The following PPM1D variants were observed in gnomAD, a reference collection of about 807,000 sequenced individuals.
The protein encoded by PPM1D is protein phosphatase 1D.
PPM1D carries 52 observed loss-of-function variants against 58.3 expected under a neutral mutation model. The ratio of observed to expected loss-of-function variants is 0.89; its 90% CI spans 0.71 to 1.12. PPM1D has a LOEUF of 1.12. PPM1D is among the 50% of genes most tolerant of loss of function. The pLI, the probability that PPM1D is intolerant of heterozygous loss-of-function variation, is 0.00. For missense variants in PPM1D, 564 were observed against 777.2 expected, an observed-to-expected ratio of 0.73 and a Z score of 3.26; for synonymous variants, 278 against 285.1, an observed-to-expected ratio of 0.98 and a Z score of 0.25.
intron 3 of PPM1D, among the ~76,000 whole-genome samples, chr17:60,637,917 A>G (rs1390150791): frequency 6.6e-6 from 1 of 152,236 alleles, no homozygotes; most frequent in Non-Finnish European, 1.5e-5. Context: ...CCAGAAAGAA[A>G]GTGTTTCAAA....
At chr17:60,646,828 T>C (rs1484900670) in intron 3 of PPM1D, among the ~76,000 whole-genome samples, 2 of 152,206 alleles carry the variant, frequency 1.3e-5, no homozygotes, top group Non-Finnish European at 2.9e-5. Context: ...TGTAAGAGCT[T>C]TCTTTTTCCG....
chr17:60,658,515 A>AT (rs1389061918), intron 5 of PPM1D, among the ~76,000 whole-genome samples: 1 of 151,782 alleles, frequency 6.6e-6, no homozygotes, highest in African/African-American at 2.4e-5. Flanking sequence ...AGGTGTGGTG[A>AT]TGCATGCCTG....
At chr17:60,613,647 T>A (rs1598400490) in intron 1 of PPM1D, among the ~76,000 whole-genome samples, 1 of 152,318 alleles carries the variant, frequency 6.6e-6, no homozygotes, top group East Asian at 1.9e-4. Context: ...GGCTGCGTGC[T>A]GCACTTGTGG....
intron 1 of PPM1D, among the ~76,000 whole-genome samples, chr17:60,609,325 C>T (rs1360279337): frequency 6.6e-6 from 1 of 151,984 alleles, no homozygotes; most frequent in East Asian, 1.9e-4. Flanking sequence ...GAACTCCTGA[C>T]CTCGTGATCC....
intron 2 of PPM1D, among the ~76,000 whole-genome samples, chr17:60,632,252 A>G (rs1180308192): frequency 6.6e-6 from 1 of 151,946 alleles, no homozygotes; most frequent in Non-Finnish European, 1.5e-5. Flanking sequence ...TTTTGCTCCT[A>G]TGACACATTT....
At chr17:60,637,080 T>G (rs527556020) in intron 3 of PPM1D, among the ~76,000 whole-genome samples, 1 of 151,634 alleles carries the variant, frequency 6.6e-6, no homozygotes, top group South Asian at 2.1e-4. Context: ...GCAATTCTGC[T>G]GCCTCAGCCT....
chr17:60,620,288 C>T (rs552746882), intron 1 of PPM1D, among the ~76,000 whole-genome samples: 1 of 152,174 alleles, frequency 6.6e-6, no homozygotes, highest in South Asian at 2.1e-4. Context: ...TGAGCCACCG[C>T]GCCCGGCCTG....
At chr17:60,650,925 C>G (rs2031331430) in intron 4 of PPM1D, among the ~76,000 whole-genome samples, 1 of 152,172 alleles carries the variant, frequency 6.6e-6, no homozygotes, top group African/African-American at 2.4e-5. Context: ...AGCCACTGCA[C>G]TCCAGCCTGG....
At chr17:60,657,065 A>G in intron 5 of PPM1D, 1 of 1,435,136 alleles carries the variant, frequency 7.0e-7, no homozygotes, top group Non-Finnish European at 9.1e-7. Context: ...CCTTAAGAAT[A>G]TTATTGTTTG....
At position 60,664,641 on chromosome 17, in the gene PPM1D, C is replaced by CTCTAAT. The variant is rs1345394429; in HGVS notation, c.*1090_*1095dup. 6.6e-6 allele frequency: 1 copy of CTCTAAT among 152,116 alleles called. No homozygotes were observed. Among genetic ancestry groups the CTCTAAT allele is most frequent in the East Asian group, 1.9e-4 (1 of 5,192 alleles). 9.4% of individuals were successfully genotyped at this position (152,116 alleles called of 1,614,324 possible). On this transcript the variant is annotated 3_prime_UTR_variant, in exon 6 of 6. Transcript: ENST00000305921. ...TGTTCCCAATCTGAAATTCAAAATG[C>CTCTAAT]TCTAATGAGCATTTCCTTTGAGCAT...
Position 60,623,714 on chromosome 17 carries a change from C to T in PPM1D, c.666C>T (p.Pro222=). The T allele has an allele frequency of 1.2e-6, 2 of 1,614,168 alleles. No individual in the cohort carries two copies. The highest frequency in any genetic ancestry group is 2.7e-5 in the African/African-American group (2 of 75,058). ...EVTQDHKPEL[P]KERERIEGLG... ...CACAGGACCATAAGCCAGAACTTCC[C>T]AAGGAAAGAGAACGAATCGAAGGAC... Residue 222 remains proline (P), a synonymous_variant, in exon 2 of 6, where the codon CCC becomes CCT. Transcript: ENST00000305921.
At chr17:60,616,723 AGG>A (rs2030593233) in intron 1 of PPM1D, among the ~76,000 whole-genome samples, 1 of 152,252 alleles carries the variant, frequency 6.6e-6, no homozygotes, top group Non-Finnish European at 1.5e-5. Context: ...CATATAATAA[AGG>A]TGACATTTCA....
At chr17:60,621,398 T>C (rs568906555) in intron 1 of PPM1D, among the ~76,000 whole-genome samples, 1 of 151,770 alleles carries the variant, frequency 6.6e-6, no homozygotes, top group East Asian at 1.9e-4. Flanking sequence ...TGTTTGTTTG[T>C]TTGTTTGTTG....
chr17:60,648,410 A>C (rs913066206), intron 4 of PPM1D, among the ~76,000 whole-genome samples: 1 of 136,712 alleles, frequency 7.3e-6, no homozygotes, highest in Non-Finnish European at 1.5e-5. Flanking sequence ...TTTGAGACGG[A>C]GTCTTGCTCT....
intron 3 of PPM1D, among the ~76,000 whole-genome samples, chr17:60,642,849 G>A (rs1007704347): frequency 1.4e-5 from 2 of 147,394 alleles, no homozygotes; most frequent in Non-Finnish European, 1.5e-5. Context: ...GGCGGATCAC[G>A]AGGTCAGGAG....
At chr17:60,613,639 C>G (rs1156726120) in intron 1 of PPM1D, among the ~76,000 whole-genome samples, 1 of 152,224 alleles carries the variant, frequency 6.6e-6, no homozygotes, top group Non-Finnish European at 1.5e-5. Flanking sequence ...GGAACTGGGG[C>G]TGCGTGCTGC....
chr17:60,633,771 T>C, intron 2 of PPM1D, 82 bp from the exon 3 acceptor site: 1 of 1,320,914 alleles, frequency 7.6e-7, no homozygotes, highest in East Asian at 2.6e-5. Context: ...AGTCTTATTT[T>C]ATTAGTGATT....
chr17:60,659,983 G>A (rs1370841256), intron 5 of PPM1D, among the ~76,000 whole-genome samples: 2 of 151,344 alleles, frequency 1.3e-5, no homozygotes, highest in African/African-American at 2.4e-5. Flanking sequence ...AGGCCGAGGC[G>A]GGTGGATCAC....
At chr17:60,654,849 CAA>C (rs972733721) in intron 4 of PPM1D, among the ~76,000 whole-genome samples, 2 of 126,044 alleles carry the variant, frequency 1.6e-5, no homozygotes, top group Non-Finnish European at 3.3e-5. Context: ...GCCTGGGCGA[CAA>C]GAGCAAAACT....
Sources: gnomAD v4.1 joint callset for allele counts (sites outside exome capture counted in the v4.1 genomes callset) on GRCh38, gnomAD v4.1.1 for gene constraint, MANE v1.5 for transcripts, NCBI Gene and HGNC (gene_info 2026-07-23, HGNC 2026-07-21) for gene names.